AUH: variants seen among roughly 807,000 people sequenced by gnomAD.
AUH encodes the protein AU RNA binding methylglutaconyl-CoA hydratase.
AUH carries 29 observed loss-of-function variants against 42.3 expected under a neutral mutation model. The observed-to-expected ratio is 0.69, with a 90% CI of 0.51 to 0.93. The LOEUF (loss-of-function observed/expected upper bound fraction) is 0.93, where lower values mean the gene tolerates loss of function less well. Among genes scored for constraint, AUH ranks in the 40% least tolerant of loss-of-function variants. AUH has a pLI of 0.00. For synonymous variants in AUH, 174 were observed against 166.4 expected (o/e 1.05, Z -0.35); for missense variants, 452 against 438.1 (o/e 1.03, Z -0.28).
intron 6 of AUH, among the ~76,000 whole-genome samples, chr9:91,227,985 GTTCATCAAGGAT>G (rs1369035508): frequency 1.1e-4 from 16 of 152,192 alleles, no homozygotes; most frequent in African/African-American, 3.4e-4. Flanking sequence ...TTGCATCCAT[GTTCATCAAGGAT>G]ATTGGTCTAA....
chr9:91,277,134 G>A (rs1429801546), intron 6 of AUH, among the ~76,000 whole-genome samples: 1 of 152,188 alleles, frequency 6.6e-6, no homozygotes, highest in African/African-American at 2.4e-5. Context: ...AGGTTACAGG[G>A]TAAGACCCTA....
At chr9:91,275,601 A>G (rs1825480172) in intron 6 of AUH, among the ~76,000 whole-genome samples, 1 of 152,240 alleles carries the variant, frequency 6.6e-6, no homozygotes, top group Admixed American at 6.5e-5. Flanking sequence ...TTAACACGGC[A>G]TCAGGTAAAA....
chr9:91,309,977 G>A (rs1828575293), intron 4 of AUH, among the ~76,000 whole-genome samples: 1 of 152,028 alleles, frequency 6.6e-6, no homozygotes, highest in African/African-American at 2.4e-5. Context: ...GTCTCATCCA[G>A]TGGTCATGGC....
At chr9:91,303,611 G>A (rs1417128380) in intron 4 of AUH, among the ~76,000 whole-genome samples, 1 of 152,196 alleles carries the variant, frequency 6.6e-6, no homozygotes, top group African/African-American at 2.4e-5. Flanking sequence ...ACAGGCGTAA[G>A]CCACTGCGCC....
intron 2 of AUH, 45 bp from the exon 3 acceptor site, chr9:91,356,015 AC>A (rs765293921): frequency 3.7e-6 from 6 of 1,602,690 alleles, no homozygotes; most frequent in East Asian, 4.5e-5. Context: ...GAAAAAAAAA[AC>A]AAAACATTTT....
chr9:91,334,448 G>C (rs182686930), intron 3 of AUH, among the ~76,000 whole-genome samples: 4 of 152,288 alleles, frequency 2.6e-5, no homozygotes, highest in Non-Finnish European at 5.9e-5. Context: ...TGCTAGAGTT[G>C]GGACATCTCA....
chr9:91,279,577 C>G (rs1825808952), intron 6 of AUH, among the ~76,000 whole-genome samples: 2 of 152,102 alleles, frequency 1.3e-5, no homozygotes, highest in Non-Finnish European at 2.9e-5. Flanking sequence ...ATGGTGAGAG[C>G]AGGAGCAAGA....
intron 6 of AUH, among the ~76,000 whole-genome samples, chr9:91,280,955 A>T (rs1195019568): frequency 6.6e-6 from 1 of 152,136 alleles, no homozygotes; most frequent in African/African-American, 2.4e-5. Context: ...GGATTTTTTT[A>T]AAAGTCTTGA....
At chr9:91,270,394 G>A (rs969409373) in intron 6 of AUH, among the ~76,000 whole-genome samples, 1 of 152,190 alleles carries the variant, frequency 6.6e-6, no homozygotes, top group African/African-American at 2.4e-5. Context: ...CGCTTCCCTA[G>A]TGGGAACAGC....
chr9:91,247,965 C>T (rs1207588440), intron 6 of AUH, among the ~76,000 whole-genome samples: 2 of 152,148 alleles, frequency 1.3e-5, no homozygotes, highest in East Asian at 3.9e-4. Context: ...TTCTGGAGCT[C>T]GTACTTCCAT....
intron 5 of AUH, among the ~76,000 whole-genome samples, chr9:91,296,744 T>C (rs918185420): frequency 2.6e-5 from 4 of 152,194 alleles, no homozygotes; most frequent in Non-Finnish European, 5.9e-5. Flanking sequence ...AATGATTTCA[T>C]TACAAGAAAA....
intron 6 of AUH, among the ~76,000 whole-genome samples, chr9:91,246,261 TA>T (rs1235881199): frequency 1.3e-5 from 2 of 151,936 alleles, no homozygotes; most frequent in African/African-American, 4.8e-5. Context: ...AGGTTCATGC[TA>T]AAAAAACAAA....
In AUH at chr9:91,307,275, T is replaced by C. The variant is rs532110452; in HGVS notation, c.506-9199A>G. 2.0e-5 allele frequency among the ~76,000 whole-genome samples: 3 copies of C among 152,368 alleles called. No individual in the cohort carries two copies. The East Asian group carries it at 5.8e-4, about 29-fold the overall frequency. ...AGCTATTTTAAAGAATTATATGATC[T>C]AATTGATCTGAAAATCATAAAGTCA... On this transcript the variant is annotated intron_variant, in intron 4 of 9. Transcript: ENST00000375731.
At chr9:91,338,771 T>C (rs868547599) in intron 3 of AUH, among the ~76,000 whole-genome samples, 11 of 152,066 alleles carry the variant, frequency 7.2e-5, no homozygotes, top group African/African-American at 2.7e-4. Flanking sequence ...ATAAGAAAGA[T>C]TGGAAATAGT....
intron 6 of AUH, chr9:91,294,646 CT>C (rs1564073397): frequency 2.2e-6 from 1 of 453,062 alleles, no homozygotes; most frequent in Non-Finnish European, 4.4e-6. Flanking sequence ...TGAAAACCTT[CT>C]GGAAAGGATC....
intron 3 of AUH, among the ~76,000 whole-genome samples, chr9:91,345,841 A>AT (rs1831464823): frequency 6.6e-6 from 1 of 151,294 alleles, no homozygotes; most frequent in Non-Finnish European, 1.5e-5. Context: ...GCAAAAAAAA[A>AT]AAAAAAAAAG....
At chr9:91,225,426 A>G (rs1365651783) in intron 6 of AUH, among the ~76,000 whole-genome samples, 10 of 152,204 alleles carry the variant, frequency 6.6e-5, no homozygotes, top group Admixed American at 6.5e-4. Context: ...AAGATAGCGT[A>G]TCCTATTTCT....
intron 4 of AUH, among the ~76,000 whole-genome samples, chr9:91,307,955 T>C (rs993017962): frequency 1.3e-5 from 2 of 152,156 alleles, no homozygotes; most frequent in Non-Finnish European, 2.9e-5. Context: ...CATTGTTCAA[T>C]AGAACTTTCT....
In AUH at chr9:91,273,167, A is replaced by AG. The variant is rs199726769; in HGVS notation, c.655+22853dup. ...GGACTGAAGCCCCAAGCCACACCCG[A>AG]GAGGCCCACTTCTGATAAGGACCCT... is the stretch of plus-strand genomic sequence containing the variant. On this transcript the variant is annotated intron_variant, in intron 6 of 9. Coordinates refer to ENST00000375731, the MANE Select transcript of AUH (RefSeq NM_001698.3). Among the ~76,000 whole-genome samples the AG allele has an allele frequency of 2.0e-4, 31 of 152,324 alleles. No homozygotes were observed. The East Asian group carries it at 5.8e-3, about 28-fold the overall frequency.
Sources: gnomAD v4.1 joint callset for allele counts (sites outside exome capture counted in the v4.1 genomes callset) on GRCh38, gnomAD v4.1.1 for gene constraint, MANE v1.5 for transcripts, NCBI Gene and HGNC (gene_info 2026-07-23, HGNC 2026-07-21) for gene names.